ONECUT2: variants seen among roughly 807,000 people sequenced by gnomAD.
The protein encoded by ONECUT2 is one cut homeobox 2.
A neutral mutation model predicts 27.9 loss-of-function variants in ONECUT2; 10 were observed. The observed-to-expected ratio is 0.36, with a 90% confidence interval of 0.22 to 0.61. The LOEUF is 0.61. Ranked by LOEUF, ONECUT2 falls within the 20% of genes least tolerant of loss-of-function variation. ONECUT2 has a pLI of 0.73. For missense variants in ONECUT2, 686 were observed against 721.0 expected (o/e 0.95, Z 0.56); for synonymous variants, 334 against 315.1 (o/e 1.06, Z -0.64).
chr18:57,465,017 C>T lies in ONECUT2; in HGVS notation c.1229-11420C>T, dbSNP rs932935862. Among the ~76,000 whole-genome samples the T allele has an allele frequency of 5.3e-5, 8 of 152,276 alleles. No individual in the cohort carries two copies. In the South Asian group the frequency reaches 1.2e-3, roughly 24 times the overall value. On this transcript the variant is annotated intron_variant, in intron 1 of 1. Transcript: ENST00000491143. ...TTAAATAACTAAGAATGCCTTTCTACGGGAAAGACCACCTGAACCACATAA... is the reference window on the plus strand; with the variant it reads ...TTAAATAACTAAGAATGCCTTTCTATGGGAAAGACCACCTGAACCACATAA...
At chr18:57,438,461 C>CG (rs1416408205) in intron 1 of ONECUT2, among the ~76,000 whole-genome samples, 1 of 152,214 alleles carries the variant, frequency 6.6e-6, no homozygotes, top group African/African-American at 2.4e-5. Flanking sequence ...TTTCCACCCC[C>CG]GATCCCCCGG....
Position 57,435,581 on chromosome 18 carries a change from C to G in ONECUT2, c.-136C>G. On this transcript the variant is annotated 5_prime_UTR_variant, in exon 1 of 2. Coordinates refer to ENST00000491143, the MANE Select transcript of ONECUT2 (RefSeq NM_004852.3). ...GCGAGCCCGCCCGCAGCCCGGGGCG[C>G]ACACCCGCACGCGCACTCCTCTCCA... 1 of 571,984 alleles carries G rather than the reference C, an allele frequency of 1.7e-6. No individual in the cohort carries two copies. The highest frequency in any genetic ancestry group is 2.2e-6 in the Non-Finnish European group (1 of 455,196). 35.4% of individuals were successfully genotyped at this position (571,984 alleles called of 1,614,324 possible).
Position 57,476,747 on chromosome 18 carries a change from A to G in ONECUT2, c.*24A>G. The G allele has an allele frequency of 6.2e-7, 1 of 1,610,696 alleles. No individual in the cohort carries two copies. Among genetic ancestry groups the G allele is most frequent in the South Asian group, 1.1e-5 (1 of 90,808 alleles). On this transcript the variant is annotated 3_prime_UTR_variant, in exon 2 of 2. Coordinates refer to ENST00000491143, the MANE Select transcript of ONECUT2 (RefSeq NM_004852.3). The stretch of plus-strand genomic sequence containing the variant: ...GATGGAAGGACTCTCACTTGGGCAC[A>G]AGTCACCTCCAAATGAGGACAACAG...
chr18:57,468,410 G>C (rs548207267), intron 1 of ONECUT2, among the ~76,000 whole-genome samples: 21 of 152,326 alleles, frequency 1.4e-4, no homozygotes, highest in African/African-American at 4.6e-4. Context: ...TCATGGTACT[G>C]GCTCCATGGT....
intron 1 of ONECUT2, among the ~76,000 whole-genome samples, chr18:57,438,559 C>G (rs2050157040): frequency 6.6e-6 from 1 of 152,202 alleles, no homozygotes; most frequent in African/African-American, 2.4e-5. Flanking sequence ...AGCAGGTTCA[C>G]CCGGGCTTGG....
In ONECUT2 at chr18:57,435,825, G is replaced by C; in HGVS notation, c.109G>C (p.Gly37Arg). The change falls in exon 1 of 2, where the codon GGC (glycine) becomes CGC (arginine). Residue 37 changes from glycine to arginine, a missense_variant. This residue lies in a region of ONECUT2 where 511 missense variants were observed against 488.1 expected (regional missense o/e 1.05). Coordinates refer to ENST00000491143, the MANE Select transcript of ONECUT2 (RefSeq NM_004852.3). The stretch of plus-strand genomic sequence containing the variant: ...TCTGGGCACTTTGCACGGGCCGGCC[G>C]GCGGCGGCAGTGGCGGGGGCGGCGG... ...ESLGTLHGPA[G>R]GGSGGGGGGG... 6 of 1,116,118 alleles carry C rather than the reference G, an allele frequency of 5.4e-6. No homozygotes were observed. Among genetic ancestry groups the C allele is most frequent in the Non-Finnish European group, 5.6e-6 (5 of 898,268 alleles). The allele number at this position is 1,116,118 out of a possible 1,614,324, so 69.1% of individuals were successfully genotyped here.
chr18:57,450,948 A>G (rs2050226803), intron 1 of ONECUT2, among the ~76,000 whole-genome samples: 1 of 152,224 alleles, frequency 6.6e-6, no homozygotes, highest in Admixed American at 6.5e-5. Context: ...GTGAAAATAT[A>G]TGAACTAGCC....
At chr18:57,439,016 A>G (rs2050159663) in intron 1 of ONECUT2, among the ~76,000 whole-genome samples, 1 of 152,208 alleles carries the variant, frequency 6.6e-6, no homozygotes, top group Admixed American at 6.5e-5. Context: ...GTACAGTTAA[A>G]GGCAGGATGA....
intron 1 of ONECUT2, among the ~76,000 whole-genome samples, chr18:57,471,887 G>A (rs956105879): frequency 6.6e-6 from 1 of 151,962 alleles, no homozygotes; most frequent in Admixed American, 6.6e-5. Context: ...TGAGAGGGAG[G>A]GAGCTCAAGA....
chr18:57,436,055 C>T lies in ONECUT2; in HGVS notation c.339C>T (p.Ile113=). ...CCATGGTCACCAGCATGGCCTCGAT[C>T]CTGGACGGCGGCGACTACCGGCCCG... The part of the protein sequence containing the change: ...RSAMVTSMAS[I]LDGGDYRPEL... The change falls in exon 1 of 2, where the codon ATC becomes ATT. Residue 113 remains isoleucine (I), a synonymous_variant. Transcript: ENST00000491143. This position sits in a 1 kb window ranked among gnomAD's most constrained non-coding sequence, Gnocchi z 5.9. The T allele has an allele frequency of 6.3e-7, 1 of 1,593,564 alleles. No homozygotes were observed. The highest frequency in any genetic ancestry group is 1.7e-4 in the Middle Eastern group (1 of 5,984).
At chr18:57,441,691 G>C (rs911585855) in intron 1 of ONECUT2, among the ~76,000 whole-genome samples, 1 of 152,262 alleles carries the variant, frequency 6.6e-6, no homozygotes, top group Non-Finnish European at 1.5e-5. Flanking sequence ...GTTTGAAAAT[G>C]ACGTGGCTAA....
chr18:57,449,612 A>G (rs1317533220), intron 1 of ONECUT2, among the ~76,000 whole-genome samples: 1 of 152,210 alleles, frequency 6.6e-6, no homozygotes, highest in East Asian at 1.9e-4. Context: ...TAGACTCTAG[A>G]CTAAGGACCC....
chr18:57,474,079 G>A (rs538791221), intron 1 of ONECUT2, among the ~76,000 whole-genome samples: 6 of 152,306 alleles, frequency 3.9e-5, no homozygotes, highest in African/African-American at 1.4e-4. Context: ...TGTGTTGTGT[G>A]TGTTTAATTT....
intron 1 of ONECUT2, among the ~76,000 whole-genome samples, chr18:57,473,334 A>T (rs1438761148): frequency 1.3e-5 from 2 of 152,238 alleles, no homozygotes; most frequent in African/African-American, 4.8e-5. Flanking sequence ...TCCTTTTAAA[A>T]TGAAAATCAT....
At chr18:57,470,945 C>A (rs779580719) in intron 1 of ONECUT2, among the ~76,000 whole-genome samples, 3 of 152,182 alleles carry the variant, frequency 2.0e-5, no homozygotes, top group Non-Finnish European at 4.4e-5. Flanking sequence ...ACTTTTGTTA[C>A]TAGAAGGAAA....
chr18:57,467,053 A>G, intron 1 of ONECUT2: 2 of 398,932 alleles, frequency 5.0e-6, no homozygotes. Flanking sequence ...ATGCCTCCAT[A>G]TAAGAAAGTC....
In ONECUT2 at chr18:57,489,635, A is replaced by G. The variant is rs2050455005; in HGVS notation, c.*12912A>G. The G allele has an allele frequency of 6.6e-6, 1 of 150,910 alleles. No homozygotes were observed. Among genetic ancestry groups the G allele is most frequent in the African/African-American group, 2.4e-5 (1 of 40,972 alleles). 9.3% of individuals were successfully genotyped at this position (150,910 alleles called of 1,614,324 possible). A position where few individuals can be genotyped will look rare whatever the true frequency, so the allele number is the denominator to read the frequency against. ...TCTAGGAAAGTTTTTTCAGATTATGACAAGGAACCTGCCACCTGGGAAGAA... is the reference window on the plus strand; with the variant it reads ...TCTAGGAAAGTTTTTTCAGATTATGGCAAGGAACCTGCCACCTGGGAAGAA... On this transcript the variant is annotated 3_prime_UTR_variant, in exon 2 of 2. Transcript: ENST00000491143.
chr18:57,463,859 C>T lies in ONECUT2; in HGVS notation c.1229-12578C>T, dbSNP rs189547126. On this transcript the variant is annotated intron_variant, in intron 1 of 1. Coordinates refer to ENST00000491143, the MANE Select transcript of ONECUT2 (RefSeq NM_004852.3). ...ATTCTAACAGTTCATTGTGTATTCT[C>T]GTGGATTTTTAAGTACACACAATCA... Among the ~76,000 whole-genome samples, 194 of 152,096 alleles carry T rather than the reference C, an allele frequency of 1.3e-3. 1 individual carries two copies. The highest frequency in any genetic ancestry group is 4.3e-3 in the African/African-American group (179 of 41,502).
At position 57,484,519 on chromosome 18, in the gene ONECUT2, G is replaced by C. The variant is rs765859753; in HGVS notation, c.*7796G>C. 9.8e-5 allele frequency: 15 copies of C among 152,606 alleles called. No homozygotes were observed. Among genetic ancestry groups the C allele is most frequent in the Admixed American group, 4.6e-4 (7 of 15,270 alleles). The allele number at this position is 152,606 out of a possible 1,614,324, so 9.5% of individuals were successfully genotyped here. ...TGTCTGCTCGACATGTTCAAGATGCGAGTTCAGATGCTGCTGTAATTGGAT... is the reference window on the plus strand; with the variant it reads ...TGTCTGCTCGACATGTTCAAGATGCCAGTTCAGATGCTGCTGTAATTGGAT... On this transcript the variant is annotated 3_prime_UTR_variant, in exon 2 of 2. Coordinates refer to ENST00000491143, the MANE Select transcript of ONECUT2 (RefSeq NM_004852.3).
Sources: allele counts gnomAD v4.1 joint callset (sites outside exome capture counted in the v4.1 genomes callset), GRCh38; gene constraint gnomAD v4.1.1; regional missense constraint gnomAD v4.1.1; non-coding constraint Gnocchi (gnomAD v3.1); transcripts MANE v1.5; gene names NCBI Gene and HGNC (gene_info 2026-07-23, HGNC 2026-07-21).